The following TTLL5 variants were observed in gnomAD, a reference collection of about 807,000 sequenced individuals.
The protein encoded by TTLL5 is tubulin polyglutamylase TTLL5.
TTLL5 carries 132 observed loss-of-function variants against 168.4 expected under a neutral mutation model. The observed-to-expected ratio is 0.78, with a 90% confidence interval of 0.68 to 0.91. The LOEUF (loss-of-function observed/expected upper bound fraction) is 0.91, where lower values mean the gene tolerates loss of function less well. Among genes scored for constraint, TTLL5 ranks in the 40% least tolerant of loss-of-function variants. The pLI, the probability that TTLL5 is intolerant of heterozygous loss-of-function variation, is 0.00. For synonymous variants in TTLL5, 546 were observed against 558.6 expected, an observed-to-expected ratio of 0.98 and a Z score of 0.32; for missense variants, 1,545 against 1,581.5, an observed-to-expected ratio of 0.98 and a Z score of 0.39.
intron 24 of TTLL5, among the ~76,000 whole-genome samples, chr14:75,781,418 G>A (rs138471839): frequency 1.1e-4 from 17 of 152,284 alleles, no homozygotes; most frequent in East Asian, 5.8e-4. Flanking sequence ...TGCTATTGGC[G>A]ATGGAGGGGA....
intron 28 of TTLL5, among the ~76,000 whole-genome samples, chr14:75,841,422 C>T (rs544779336): frequency 1.3e-5 from 2 of 152,256 alleles, no homozygotes; most frequent in South Asian, 4.2e-4. Context: ...TGGTTAGATT[C>T]GTATTCACTG....
In TTLL5 at chr14:75,783,279, C is replaced by T; in HGVS notation, c.2735C>T (p.Pro912Leu). The change falls in exon 26 of 32, where the codon CCT becomes CTT. Residue 912 changes from proline to leucine, a missense_variant. Pro to Leu is a moderately conservative substitution (Grantham distance 98). Transcript: ENST00000298832. ...ACAACCTCTGACCTCTCTCCAGGGC[C>T]TTGCCACCATTCTTCTTTATCTCAA... ...SVTTSDLSPGPCHHSSLSQIP... is the reference protein window; with the variant it reads ...SVTTSDLSPGLCHHSSLSQIP... The T allele has an allele frequency of 6.2e-7, 1 of 1,614,174 alleles. No homozygotes were observed. Among genetic ancestry groups the T allele is most frequent in the South Asian group, 1.1e-5 (1 of 91,084 alleles).
At chr14:75,903,292 G>A (rs910770153) in intron 31 of TTLL5, among the ~76,000 whole-genome samples, 4 of 152,166 alleles carry the variant, frequency 2.6e-5, no homozygotes, top group South Asian at 2.1e-4. Context: ...GAGTGTGGAC[G>A]AGTCAGCCAG....
At chr14:75,770,179 G>GAAAAAAAAAA (rs56876692) in intron 20 of TTLL5, among the ~76,000 whole-genome samples, 2 of 85,002 alleles carry the variant, frequency 2.4e-5, no homozygotes, top group Non-Finnish European at 4.2e-5. Context: ...ACTCTGTCTC[G>GAAAAAAAAAA]AAAAAAAAAA....
intron 29 of TTLL5, among the ~76,000 whole-genome samples, chr14:75,870,334 T>G (rs2030925433): frequency 6.6e-6 from 1 of 150,800 alleles, no homozygotes; most frequent in African/African-American, 2.4e-5. Context: ...CTTGAACTCC[T>G]GGGCTCAAGC....
At chr14:75,938,673 T>C (rs2034503535) in intron 31 of TTLL5, among the ~76,000 whole-genome samples, 1 of 152,144 alleles carries the variant, frequency 6.6e-6, no homozygotes, top group African/African-American at 2.4e-5. Context: ...CACAGAGAGA[T>C]TGCAATTTTC....
At chr14:75,706,261 G>A (rs1465310082) in intron 7 of TTLL5, among the ~76,000 whole-genome samples, 3 of 152,128 alleles carry the variant, frequency 2.0e-5, no homozygotes, top group Admixed American at 6.5e-5. Flanking sequence ...ATGCTGCTTT[G>A]TGTTCTTTTA....
Position 75,954,560 on chromosome 14 carries a change from A to G in TTLL5, c.*114A>G. The G allele has an allele frequency of 1.7e-6, 2 of 1,203,758 alleles. No individual in the cohort carries two copies. The highest frequency in any genetic ancestry group is 2.6e-5 in the South Asian group (2 of 77,136). 74.6% of individuals were successfully genotyped at this position (1,203,758 alleles called of 1,614,324 possible). On this transcript the variant is annotated 3_prime_UTR_variant, in exon 32 of 32. Transcript: ENST00000298832. ...AGTATTTTTTTTTTTGCTGCCTCAA[A>G]GTCCCCAAAGCCTTCGAGCAGAAGT...
At chr14:75,708,366 T>TG (rs1566822493) in intron 9 of TTLL5, among the ~76,000 whole-genome samples, 2 of 152,128 alleles carry the variant, frequency 1.3e-5, no homozygotes, top group African/African-American at 4.8e-5. Context: ...AGGTGCTTTT[T>TG]TTTGTTTGTT....
intron 31 of TTLL5, among the ~76,000 whole-genome samples, chr14:75,907,836 G>A (rs977483423): frequency 3.2e-4 from 48 of 152,242 alleles, no homozygotes; most frequent in African/African-American, 1.1e-3. Flanking sequence ...AAGAAGGTCA[G>A]TATTTCCCTT....
At chr14:75,882,984 C>T (rs1416554703) in intron 30 of TTLL5, 82 bp downstream of exon 30, 36 of 1,411,252 alleles carry the variant, frequency 2.6e-5, no homozygotes, top group African/African-American at 4.3e-5. Flanking sequence ...TCTTCAAGAC[C>T]GTTCGTACTG....
At chr14:75,723,058 G>A (rs981929582) in intron 12 of TTLL5, among the ~76,000 whole-genome samples, 2 of 151,950 alleles carry the variant, frequency 1.3e-5, no homozygotes, top group Admixed American at 6.6e-5. Flanking sequence ...TCCTGTAGCC[G>A]ACTGGAAACT....
chr14:75,859,450 G>A (rs1897297846), intron 28 of TTLL5, among the ~76,000 whole-genome samples: 1 of 152,164 alleles, frequency 6.6e-6, no homozygotes, highest in African/African-American at 2.4e-5. Context: ...ATATGTAAAG[G>A]GGAAATACAG....
intron 12 of TTLL5, 152 bp downstream of exon 12, chr14:75,720,855 A>G (rs897010848): frequency 4.5e-6 from 3 of 669,580 alleles, no homozygotes; most frequent in East Asian, 2.7e-5. Context: ...TGAAGAGCCT[A>G]CTAAGAGGCC....
intron 29 of TTLL5, among the ~76,000 whole-genome samples, chr14:75,881,140 C>T (rs2031791275): frequency 6.6e-6 from 1 of 152,166 alleles, no homozygotes; most frequent in African/African-American, 2.4e-5. Context: ...TTTCGAACTC[C>T]TGAGCTCAGG....
chr14:75,946,129 G>A (rs1391366373), intron 31 of TTLL5, among the ~76,000 whole-genome samples: 1 of 152,114 alleles, frequency 6.6e-6, no homozygotes, highest in Non-Finnish European at 1.5e-5. Context: ...CCAGAAGAAA[G>A]GTCTGAAATG....
chr14:75,808,363 C>T (rs1308268187), intron 27 of TTLL5, among the ~76,000 whole-genome samples: 1 of 152,184 alleles, frequency 6.6e-6, no homozygotes, highest in East Asian at 1.9e-4. Flanking sequence ...TTTAACCCTT[C>T]TCTCCTGGTG....
intron 27 of TTLL5, among the ~76,000 whole-genome samples, chr14:75,797,068 A>G (rs1480423618): frequency 6.6e-6 from 1 of 152,046 alleles, no homozygotes; most frequent in Admixed American, 6.5e-5. Context: ...ATGTGTTTCC[A>G]TTTGTTTGTG....
At chr14:75,846,259 T>C (rs1432898555) in intron 28 of TTLL5, among the ~76,000 whole-genome samples, 1 of 152,158 alleles carries the variant, frequency 6.6e-6, no homozygotes, top group Admixed American at 6.5e-5. Flanking sequence ...CAAGTAAGAA[T>C]GGTTGTTTTA....
Sources: allele counts gnomAD v4.1 joint callset (sites outside exome capture counted in the v4.1 genomes callset), GRCh38; gene constraint gnomAD v4.1.1; transcripts MANE v1.5; gene names NCBI Gene and HGNC (gene_info 2026-07-23, HGNC 2026-07-21).